The following MROH2B variants were observed in gnomAD, a reference collection of about 807,000 sequenced individuals.
MROH2B encodes the protein maestro heat like repeat family member 2B.
In MROH2B, 177 loss-of-function variants were observed where a neutral mutation model predicts 208.6. The observed-to-expected ratio is 0.85, with a 90% confidence interval of 0.75 to 0.96. MROH2B has a LOEUF of 0.96. Ranked by LOEUF, MROH2B falls within the 40% of genes least tolerant of loss-of-function variation. The probability of loss-of-function intolerance (pLI) is 0.00; values close to 1 mark genes in which losing one functional copy is unlikely to be tolerated. For synonymous variants in MROH2B, 728 were observed against 659.0 expected, an observed-to-expected ratio of 1.10 and a Z score of -1.60; for missense variants, 2,002 against 1,878.7, an observed-to-expected ratio of 1.07 and a Z score of -1.21.
In MROH2B at chr5:41,042,404, C is replaced by T. The variant is rs563594758; in HGVS notation, c.1837-196G>A. ...CCCTCCATCTGTGCCCTCCTATATT[C>T]CTCTCTACCTTGTGTCCTGCCACTA... On this transcript the variant is annotated intron_variant, in intron 18 of 41. Coordinates refer to ENST00000399564, the MANE Select transcript of MROH2B (RefSeq NM_173489.5). Among the ~76,000 whole-genome samples the T allele has an allele frequency of 9.9e-5, 15 of 152,254 alleles. 1 individual carries two copies. In the South Asian group the frequency reaches 3.1e-3, roughly 32 times the overall value.
At chr5:41,054,625 G>T in intron 11 of MROH2B, 142 bp downstream of exon 11, 1 of 530,188 alleles carries the variant, frequency 1.9e-6, no homozygotes, top group Non-Finnish European at 3.1e-6. Context: ...TATCTCTTTG[G>T]AAAAGATGGA....
chr5:41,054,740 G>A (rs753341705), intron 11 of MROH2B, 27 bp downstream of exon 11: 46 of 1,520,286 alleles, frequency 3.0e-5, no homozygotes, highest in East Asian at 4.6e-5. Context: ...AGCTACCATC[G>A]ACAAGAGTTT....
Position 41,048,386 on chromosome 5 carries a change from A to T in MROH2B, c.1622T>A (p.Ile541Asn). Residue 541 changes from isoleucine to asparagine, a missense_variant, in exon 16 of 42, where the codon ATT (isoleucine) becomes AAT (asparagine). Transcript: ENST00000399564. Reference sequence around the variant, plus strand: ...CCATAGGTCTACCAATTTTGGGTGAATTATCTCAGGCAGTATCTTCAAAAG... The same window carrying T: ...CCATAGGTCTACCAATTTTGGGTGATTTATCTCAGGCAGTATCTTCAAAAG... ...IGLLKILPEIIHPKLVDLWKT... is the reference protein window; with the variant it reads ...IGLLKILPEINHPKLVDLWKT... 1 of 1,613,704 alleles carries T rather than the reference A, an allele frequency of 6.2e-7. No homozygotes were observed. The highest frequency in any genetic ancestry group is 8.5e-7 in the Non-Finnish European group (1 of 1,179,718).
chr5:41,021,051 C>G (rs1057187803), intron 24 of MROH2B, among the ~76,000 whole-genome samples: 1 of 152,168 alleles, frequency 6.6e-6, no homozygotes, highest in Non-Finnish European at 1.5e-5. Context: ...GCTCTAATGA[C>G]TCTACCAAAA....
chr5:41,036,223 T>C (rs894840048), intron 21 of MROH2B, among the ~76,000 whole-genome samples: 1 of 152,082 alleles, frequency 6.6e-6, no homozygotes, highest in African/African-American at 2.4e-5. Context: ...CCATATGTTG[T>C]GGAAGGGACT....
intron 19 of MROH2B, among the ~76,000 whole-genome samples, chr5:41,040,865 C>T (rs1742925142): frequency 6.6e-6 from 1 of 152,092 alleles, no homozygotes; most frequent in East Asian, 1.9e-4. Context: ...TGGGGTTTCA[C>T]TATGTTAGCC....
chr5:41,009,899 G>A (rs200523380), intron 31 of MROH2B, 23 bp downstream of exon 31: 116 of 1,591,856 alleles, frequency 7.3e-5, no homozygotes, highest in Middle Eastern at 1.7e-4. Context: ...CTAGGAGAAG[G>A]AATCAGTTCA....
intron 4 of MROH2B, 21 bp downstream of exon 4, chr5:41,065,310 T>C: frequency 6.3e-7 from 1 of 1,592,516 alleles, no homozygotes; most frequent in South Asian, 1.1e-5. Flanking sequence ...CAGGGAAAAT[T>C]GGAGAATATT....
chr5:41,042,031 G>T (rs1163922661), intron 19 of MROH2B, 61 bp downstream of exon 19: 4 of 862,214 alleles, frequency 4.6e-6, no homozygotes, highest in East Asian at 5.4e-5. Context: ...CAGAGGTTTT[G>T]TGGATAGGAT....
chr5:41,000,256 C>T lies in MROH2B; in HGVS notation c.4446G>A (p.Arg1482=). The change falls in exon 39 of 42, where the codon AGG becomes AGA. Residue 1482 remains arginine (R), a synonymous_variant. Transcript: ENST00000399564. ...AGAATTGCCTGTAGAAATCCCTGGC[C>T]CTTGGTAGATCCTGATCAAGGAGAC... is the stretch of plus-strand genomic sequence containing the variant. The part of the protein sequence containing the change: ...LDRLLDQDLP[R]ARDFYRQFCV... 1.9e-6 allele frequency: 3 copies of T among 1,613,844 alleles called. No individual in the cohort carries two copies. Among genetic ancestry groups the T allele is most frequent in the South Asian group, 2.2e-5 (2 of 91,084 alleles).
intron 35 of MROH2B, 117 bp downstream of exon 35, chr5:41,005,414 C>CA (rs1561273983): frequency 0.086 from 5,105 of 59,652 alleles, 155 homozygotes; most frequent in South Asian, 0.14. Flanking sequence ...CTCTATGAAA[C>CA]CCCCCCCCCC....
chr5:41,035,036 A>G (rs1224800374), intron 21 of MROH2B, among the ~76,000 whole-genome samples: 1 of 152,180 alleles, frequency 6.6e-6, no homozygotes, highest in East Asian at 1.9e-4. Flanking sequence ...AGCAGTTTAC[A>G]GATTCAATGG....
At chr5:41,051,193 C>A in intron 12 of MROH2B, 103 bp from the exon 13 acceptor site, 1 of 594,408 alleles carries the variant, frequency 1.7e-6, no homozygotes. Context: ...AGGATGTAGT[C>A]ACTCAACTTA....
At chr5:41,031,874 A>T (rs1361275707) in intron 24 of MROH2B, among the ~76,000 whole-genome samples, 1 of 152,110 alleles carries the variant, frequency 6.6e-6, no homozygotes. Context: ...TATGGCTTCC[A>T]GCTCCATTCA....
intron 24 of MROH2B, among the ~76,000 whole-genome samples, chr5:41,022,275 G>A (rs1044104829): frequency 3.9e-5 from 6 of 152,192 alleles, no homozygotes; most frequent in African/African-American, 1.4e-4. Context: ...GGAAGCACAA[G>A]GGGTCAGAGA....
At chr5:41,032,865 G>A (rs776994800) in intron 23 of MROH2B, 44 bp from the exon 24 acceptor site, 5 of 1,584,762 alleles carry the variant, frequency 3.2e-6, no homozygotes, top group East Asian at 2.3e-5. Flanking sequence ...AAAGGCTCAG[G>A]AAAGTTACCA....
At chr5:41,062,087 T>A (rs2150181774) in intron 5 of MROH2B, among the ~76,000 whole-genome samples, 1 of 148,964 alleles carries the variant, frequency 6.7e-6, no homozygotes, top group African/African-American at 2.6e-5. Context: ...TTGACCCAAC[T>A]ATTCCAATCT....
At chr5:41,062,929 C>A (rs1250906814) in intron 5 of MROH2B, among the ~76,000 whole-genome samples, 1 of 152,102 alleles carries the variant, frequency 6.6e-6, no homozygotes, top group East Asian at 1.9e-4. Flanking sequence ...CTTGCTGGTT[C>A]ATGGTATGTG....
chr5:41,019,158 G>A (rs1742060003), intron 24 of MROH2B, 140 bp from the exon 25 acceptor site: 3 of 1,029,938 alleles, frequency 2.9e-6, no homozygotes, highest in Non-Finnish European at 4.2e-6. Flanking sequence ...TGTTGAGAAA[G>A]GTGGTGACAG....
Sources: allele counts gnomAD v4.1 joint callset (sites outside exome capture counted in the v4.1 genomes callset), GRCh38; gene constraint gnomAD v4.1.1; transcripts MANE v1.5; gene names NCBI Gene and HGNC (gene_info 2026-07-23, HGNC 2026-07-21).